GABBR2: variants seen among roughly 807,000 people sequenced by gnomAD.
The protein encoded by GABBR2 is gamma-aminobutyric acid type B receptor subunit 2.
GABBR2 carries 23 observed loss-of-function variants against 105.6 expected under a neutral mutation model. The ratio of observed to expected loss-of-function variants is 0.22; its 90% CI spans 0.16 to 0.31. The LOEUF (loss-of-function observed/expected upper bound fraction) is 0.31. Ranked by LOEUF, GABBR2 falls within the 10% of genes least tolerant of loss-of-function variation. The probability of loss-of-function intolerance (pLI) is 1.00; values close to 1 mark genes in which losing one functional copy is unlikely to be tolerated. For synonymous variants in GABBR2, 478 were observed against 499.7 expected (o/e 0.96, Z 0.58); for missense variants, 734 against 1,245.5 (o/e 0.59, Z 6.18).
rs984046864 is a variant in GABBR2, at chr9:98,343,666, T to C, written c.1893+19049A>G. On this transcript the variant is annotated intron_variant, in intron 13 of 18. Coordinates refer to ENST00000259455, the MANE Select transcript of GABBR2 (RefSeq NM_005458.8). ...TGAGGTCAGGAGTTTGAGACCAGCCTGATTAACATGGTGAAATCCCTTGTC... is the reference window on the plus strand; with the variant it reads ...TGAGGTCAGGAGTTTGAGACCAGCCCGATTAACATGGTGAAATCCCTTGTC... Among the ~76,000 whole-genome samples the C allele has an allele frequency of 6.6e-5, 10 of 152,142 alleles. 1 individual carries two copies. The highest frequency in any genetic ancestry group is 6.5e-4 in the Admixed American group (10 of 15,274).
intron 1 of GABBR2, chr9:98,607,953 G>A: frequency 7.5e-7 from 1 of 1,332,782 alleles, no homozygotes; most frequent in Non-Finnish European, 1.1e-6. Context: ...CTCTGAAGCT[G>A]AGCTCCAGCG....
intron 5 of GABBR2, 152 bp downstream of exon 5, chr9:98,480,780 A>G (rs1034786198): frequency 3.2e-6 from 2 of 617,018 alleles, no homozygotes; most frequent in African/African-American, 1.8e-5. Context: ...CCCTGGAAAG[A>G]GGAAAGAACA....
chr9:98,368,560 A>G (rs1306042181), intron 12 of GABBR2, among the ~76,000 whole-genome samples: 1 of 152,146 alleles, frequency 6.6e-6, no homozygotes, highest in Non-Finnish European at 1.5e-5. Flanking sequence ...CTTCTAGACA[A>G]CTGAACTCCT....
chr9:98,301,907 A>G (rs1411346465), intron 16 of GABBR2, among the ~76,000 whole-genome samples: 1 of 152,224 alleles, frequency 6.6e-6, no homozygotes, highest in Non-Finnish European at 1.5e-5. Flanking sequence ...AGACAACTGT[A>G]TGGTGGCTCT....
chr9:98,422,397 G>A (rs952972002), intron 7 of GABBR2, among the ~76,000 whole-genome samples: 23 of 152,060 alleles, frequency 1.5e-4, no homozygotes, highest in Non-Finnish European at 2.6e-4. Flanking sequence ...CTACTTAGTC[G>A]AATTAAGTGT....
At chr9:98,297,220 CTTG>C (rs1830395730) in intron 17 of GABBR2, among the ~76,000 whole-genome samples, 1 of 152,038 alleles carries the variant, frequency 6.6e-6, no homozygotes, top group Non-Finnish European at 1.5e-5. Flanking sequence ...TTGTAATTTC[CTTG>C]TTATCTCAAT....
intron 3 of GABBR2, among the ~76,000 whole-genome samples, chr9:98,529,378 G>A (rs550697139): frequency 6.6e-6 from 1 of 152,372 alleles, no homozygotes; most frequent in South Asian, 2.1e-4. Context: ...GAGTCACGGA[G>A]AACATTTGCT....
chr9:98,449,880 G>A (rs968451850), intron 7 of GABBR2, among the ~76,000 whole-genome samples: 1 of 152,118 alleles, frequency 6.6e-6, no homozygotes, highest in African/African-American at 2.4e-5. Context: ...AGTCATCAGA[G>A]GGCCACAGGG....
At chr9:98,668,246 T>TTCA (rs1830361904) in intron 1 of GABBR2, among the ~76,000 whole-genome samples, 1 of 152,056 alleles carries the variant, frequency 6.6e-6, no homozygotes, top group Non-Finnish European at 1.5e-5. Flanking sequence ...GGATCCCAAC[T>TTCA]TAACAGTGGC....
chr9:98,374,970 T>C (rs1343805145), intron 11 of GABBR2, among the ~76,000 whole-genome samples: 1 of 152,034 alleles, frequency 6.6e-6, no homozygotes, highest in Non-Finnish European at 1.5e-5. Flanking sequence ...AACCACCTTG[T>C]CTCTGGGAGC....
chr9:98,469,242 A>AGTAAGAAC (rs1373484314), intron 6 of GABBR2, among the ~76,000 whole-genome samples: 1 of 152,232 alleles, frequency 6.6e-6, no homozygotes, highest in Non-Finnish European at 1.5e-5. Context: ...TGGAAGGGAA[A>AGTAAGAAC]GTAAGAACCT....
chr9:98,643,521 A>T (rs1344857033), intron 1 of GABBR2, among the ~76,000 whole-genome samples: 1 of 152,130 alleles, frequency 6.6e-6, no homozygotes. Flanking sequence ...TTTTAGTTGG[A>T]GCCCGTTCTT....
intron 1 of GABBR2, among the ~76,000 whole-genome samples, chr9:98,676,731 T>C (rs925205073): frequency 3.9e-5 from 6 of 152,186 alleles, no homozygotes; most frequent in Admixed American, 6.5e-5. Flanking sequence ...CTGAATGACC[T>C]TGTGGAGCAG....
chr9:98,687,853 G>A (rs1052502085), intron 1 of GABBR2, among the ~76,000 whole-genome samples: 3 of 152,190 alleles, frequency 2.0e-5, no homozygotes, highest in Admixed American at 6.5e-5. Context: ...ACATCTGTAG[G>A]AAGGAGGGTG....
At chr9:98,448,126 G>A (rs1826168648) in intron 7 of GABBR2, among the ~76,000 whole-genome samples, 1 of 151,910 alleles carries the variant, frequency 6.6e-6, no homozygotes, top group African/African-American at 2.4e-5. Flanking sequence ...AGAGACACTG[G>A]GCAGAGGATG....
intron 2 of GABBR2, among the ~76,000 whole-genome samples, chr9:98,544,292 G>A (rs1238761641): frequency 6.6e-6 from 1 of 152,174 alleles, no homozygotes; most frequent in African/African-American, 2.4e-5. Context: ...TTTGTGGGGG[G>A]CAGTAGAGAT....
chr9:98,585,316 A>G (rs1829053643), intron 1 of GABBR2, among the ~76,000 whole-genome samples: 1 of 151,882 alleles, frequency 6.6e-6, no homozygotes, highest in Admixed American at 6.6e-5. Context: ...CAGCCATAAA[A>G]AATGATGAGT....
chr9:98,589,765 A>G (rs1829122185), intron 1 of GABBR2, among the ~76,000 whole-genome samples: 1 of 141,978 alleles, frequency 7.0e-6, no homozygotes, highest in African/African-American at 2.7e-5. Flanking sequence ...CTGAAGCTGG[A>G]GTGCAGTGGT....
intron 1 of GABBR2, among the ~76,000 whole-genome samples, chr9:98,621,989 ATG>A (rs951465210): frequency 9.9e-5 from 15 of 152,170 alleles, no homozygotes; most frequent in African/African-American, 3.4e-4. Flanking sequence ...CGAAAAAAAA[ATG>A]TGTCTTGCCA....
Sources: allele counts gnomAD v4.1 joint callset (sites outside exome capture counted in the v4.1 genomes callset), GRCh38; gene constraint gnomAD v4.1.1; transcripts MANE v1.5; gene names NCBI Gene and HGNC (gene_info 2026-07-23, HGNC 2026-07-21).